Variants in FAM89A observed in about 807,000 individuals in gnomAD.
FAM89A encodes protein FAM89A.
FAM89A carries 10 observed loss-of-function variants against 7.1 expected under a neutral mutation model. The ratio of observed to expected loss-of-function variants is 1.40; its 90% CI spans 0.86 to 2.38. FAM89A has a LOEUF of 2.38. Among genes scored for constraint, FAM89A ranks in the 30% most tolerant of loss-of-function variants. FAM89A has a pLI of 0.00. For missense variants in FAM89A, 276 were observed against 262.8 expected (o/e 1.05, Z -0.35); for synonymous variants, 157 against 129.3 (o/e 1.21, Z -1.45).
At chr1:231,022,140 G>A (rs1369268830) in intron 1 of FAM89A, 2 of 1,185,164 alleles carry the variant, frequency 1.7e-6, no homozygotes, top group African/African-American at 3.0e-5. Flanking sequence ...CCAACTTGTA[G>A]GAAAAAGATC....
At chr1:231,033,143 C>A (rs1259180317) in intron 1 of FAM89A, among the ~76,000 whole-genome samples, 1 of 152,232 alleles carries the variant, frequency 6.6e-6, no homozygotes, top group South Asian at 2.1e-4. Context: ...AGTGAGCAGC[C>A]TTTATGACTC....
intron 1 of FAM89A, among the ~76,000 whole-genome samples, chr1:231,037,128 T>C (rs1268632105): frequency 1.3e-5 from 2 of 152,178 alleles, no homozygotes; most frequent in Admixed American, 1.3e-4. Context: ...AATGGTTAAA[T>C]AGGGCTTTGG....
At chr1:231,023,435 C>T (rs1389698858) in intron 1 of FAM89A, among the ~76,000 whole-genome samples, 2 of 152,200 alleles carry the variant, frequency 1.3e-5, no homozygotes, top group Non-Finnish European at 2.9e-5. Context: ...CCTTACAGTG[C>T]CGGCATGCCT....
Position 231,030,538 on chromosome 1 carries a change from T to C in FAM89A, c.291+9383A>G, listed in dbSNP as rs138189858. Among the ~76,000 whole-genome samples, 462 of 152,366 alleles carry C rather than the reference T, an allele frequency of 3.0e-3. 6 individuals carry two copies. The highest frequency in any genetic ancestry group is 0.023 in the Admixed American group (349 of 15,302). ...CCTCTTGTTCTGTCCTGGATATAGA[T>C]GAAGAAAAGCAATTGACCATTTTCT... On this transcript the variant is annotated intron_variant, in intron 1 of 1. Coordinates refer to ENST00000366654, the MANE Select transcript of FAM89A (RefSeq NM_198552.3).
In FAM89A at chr1:231,040,075, C is replaced by T; in HGVS notation, c.137G>A (p.Gly46Asp). 3 of 1,443,022 alleles carry T rather than the reference C, an allele frequency of 2.1e-6. No individual in the cohort carries two copies. The highest frequency in any genetic ancestry group is 2.7e-6 in the Non-Finnish European group (3 of 1,099,606). 89.4% of individuals were successfully genotyped at this position (1,443,022 alleles called of 1,614,324 possible). ...GTACAGCCGCTCCAGGTGCCGCCAG[C>T]CCCCAGACGCGCCGCCGCCCGACGC... ...HSASGGGASG[G>D]WRHLERLYAQ... The change falls in exon 1 of 2, where the codon GGC (glycine) becomes GAC (aspartate). Residue 46 changes from glycine (G) to aspartate (D), a missense_variant. Physicochemically the swap from Gly to Asp is moderately conservative, Grantham distance 94 (BLOSUM62 -1). Coordinates refer to ENST00000366654, the MANE Select transcript of FAM89A (RefSeq NM_198552.3).
chr1:231,034,760 G>A (rs1282277930), intron 1 of FAM89A, among the ~76,000 whole-genome samples: 1 of 93,424 alleles, frequency 1.1e-5, no homozygotes, highest in Non-Finnish European at 1.9e-5. Flanking sequence ...CAACAAGATA[G>A]AAACTCTGTC....
intron 1 of FAM89A, among the ~76,000 whole-genome samples, chr1:231,034,001 G>T (rs1428013757): frequency 1.3e-5 from 2 of 152,140 alleles, no homozygotes; most frequent in Non-Finnish European, 2.9e-5. Context: ...GGTGGACATT[G>T]GGATGGGGAT....
intron 1 of FAM89A, among the ~76,000 whole-genome samples, chr1:231,030,509 A>G (rs919901218): frequency 6.6e-6 from 1 of 152,186 alleles, no homozygotes; most frequent in Non-Finnish European, 1.5e-5. Flanking sequence ...AACTAAGCCC[A>G]TTTCCTCTTG....
chr1:231,021,200 G>A (rs1029430027), intron 1 of FAM89A, among the ~76,000 whole-genome samples: 6 of 152,238 alleles, frequency 3.9e-5, no homozygotes, highest in South Asian at 2.1e-4. Flanking sequence ...ACCTGCCTTC[G>A]GCTTCTTGGC....
At chr1:231,038,254 C>T (rs1321292256) in intron 1 of FAM89A, among the ~76,000 whole-genome samples, 1 of 152,136 alleles carries the variant, frequency 6.6e-6, no homozygotes, top group Non-Finnish European at 1.5e-5. Flanking sequence ...TTACAGAGAG[C>T]TCTGGTCCAA....
chr1:231,022,078 T>C (rs1679889149), intron 1 of FAM89A: 4 of 1,407,518 alleles, frequency 2.8e-6, no homozygotes, highest in Middle Eastern at 1.8e-4. Context: ...AATGTGGCCA[T>C]GTCTTCTGTA....
intron 1 of FAM89A, among the ~76,000 whole-genome samples, chr1:231,021,142 A>C (rs1246427771): frequency 6.6e-6 from 1 of 152,184 alleles, no homozygotes; most frequent in African/African-American, 2.4e-5. Flanking sequence ...TGTTCCACAG[A>C]CCCTGCTCTG....
chr1:231,027,029 T>C (rs1344411885), intron 1 of FAM89A: 1 of 152,170 alleles, frequency 6.6e-6, no homozygotes, highest in Admixed American at 6.5e-5. Context: ...TAAGTAGCAG[T>C]GGGCACCCTG....
At chr1:231,029,704 C>A (rs893565629) in intron 1 of FAM89A, among the ~76,000 whole-genome samples, 2 of 152,130 alleles carry the variant, frequency 1.3e-5, no homozygotes, top group Non-Finnish European at 2.9e-5. Context: ...TTATTCCTGG[C>A]TTTTCTGAAT....
intron 1 of FAM89A, among the ~76,000 whole-genome samples, chr1:231,034,456 C>G (rs920780362): frequency 6.6e-6 from 1 of 152,016 alleles, no homozygotes; most frequent in African/African-American, 2.4e-5. Context: ...ATGTGCTTCT[C>G]CAGTCTTAAA....
In FAM89A at chr1:231,040,139, G is replaced by T. The variant is rs771903868; in HGVS notation, c.73C>A (p.Pro25Thr). Residue 25 changes from proline (P) to threonine (T), a missense_variant, in exon 1 of 2, where the codon CCC (proline) becomes ACC (threonine). Transcript: ENST00000366654. ...AVRGLRVDGLPPLPKSLSGLL... is the reference protein window; with the variant it reads ...AVRGLRVDGLTPLPKSLSGLL... ...CCGCTCAAGCTCTTTGGCAGCGGGG[G>T]CAGCCCGTCCACCCGCAGCCCCCGG... 18 of 1,341,564 alleles carry T rather than the reference G, an allele frequency of 1.3e-5. No homozygotes were observed. The highest frequency in any genetic ancestry group is 2.8e-4 in the Middle Eastern group (1 of 3,598). 83.1% of individuals were successfully genotyped at this position (1,341,564 alleles called of 1,614,324 possible).
chr1:231,021,852 G>C (rs1345979339), intron 1 of FAM89A: 2 of 1,595,596 alleles, frequency 1.3e-6, no homozygotes, highest in Non-Finnish European at 1.7e-6. Flanking sequence ...AGGAATGCTA[G>C]GAGGCTGCCC....
chr1:231,026,229 G>A (rs1381203649), intron 1 of FAM89A, among the ~76,000 whole-genome samples: 1 of 152,036 alleles, frequency 6.6e-6, no homozygotes, highest in African/African-American at 2.4e-5. Context: ...TGTTCCTCCC[G>A]CTCCTCTCCC....
intron 1 of FAM89A, among the ~76,000 whole-genome samples, chr1:231,036,833 G>A (rs546061912): frequency 1.3e-4 from 20 of 152,250 alleles, no homozygotes; most frequent in African/African-American, 4.1e-4. Flanking sequence ...CAGCTGATGC[G>A]ATGACAAATT....
Sources: gnomAD v4.1 joint callset for allele counts (sites outside exome capture counted in the v4.1 genomes callset) on GRCh38, gnomAD v4.1.1 for gene constraint, MANE v1.5 for transcripts, NCBI Gene and HGNC (gene_info 2026-07-23, HGNC 2026-07-21) for gene names.